Variants in MUC12 observed in about 807,000 individuals in gnomAD.
The protein encoded by MUC12 is mucin 12, cell surface associated, also known as mucin-12.
MUC12 carries 172 observed loss-of-function variants against 230.8 expected under a neutral mutation model. That is an observed-to-expected ratio of 0.75 (90% CI 0.66 to 0.85). MUC12 has a LOEUF of 0.85. MUC12 is among the 40% of genes least tolerant of loss of function. The pLI, the probability that MUC12 is intolerant of heterozygous loss-of-function variation, is 0.00. For missense variants in MUC12, 3,506 were observed against 5,920.6 expected, an observed-to-expected ratio of 0.59 and a Z score of 13.38; for synonymous variants, 1,259 against 2,401.9, an observed-to-expected ratio of 0.52 and a Z score of 13.91.
chr7:100,991,273 C>G lies in MUC12; in HGVS notation c.710C>G (p.Pro237Arg). 4 of 1,537,758 alleles carry G rather than the reference C, an allele frequency of 2.6e-6. No individual in the cohort carries two copies. The South Asian group carries it at 3.6e-5, about 14-fold the overall frequency. The change falls in exon 2 of 12, where the codon CCT (proline) becomes CGT (arginine). Residue 237 changes from proline to arginine, a missense_variant. Physicochemically the swap from Pro to Arg is moderately radical, Grantham distance 103. Coordinates refer to ENST00000536621, the MANE Select transcript of MUC12 (RefSeq NM_001164462.2). The part of the protein sequence containing the change: ...SPGYTKTTRL[P>R]DNTTTSGLLE... ...GGCTACACTAAAACAACACGCTTAC[C>G]TGACAACACCACAACCTCAGGCCTC...
At chr7:100,974,358 T>C (rs1415728042) in intron 1 of MUC12, among the ~76,000 whole-genome samples, 1 of 71,420 alleles carries the variant, frequency 1.4e-5, no homozygotes, top group Non-Finnish European at 3.3e-5. Flanking sequence ...AGCTCTTGGA[T>C]ACTGTTCTGC....
In MUC12 at chr7:100,980,748, C is replaced by T. The variant is rs1180490600; in HGVS notation, c.68-9883C>T. On this transcript the variant is annotated intron_variant, in intron 1 of 11. Transcript: ENST00000536621. ...GACTAGCCTGGGCAAGATAGTGAGACCCCATCTCTACAAAACGTAAAAAAT... is the reference window on the plus strand; with the variant it reads ...GACTAGCCTGGGCAAGATAGTGAGATCCCATCTCTACAAAACGTAAAAAAT... 2.0e-5 allele frequency among the ~76,000 whole-genome samples: 3 copies of T among 152,132 alleles called. No individual in the cohort carries two copies. The East Asian group carries it at 5.8e-4, about 29-fold the overall frequency.
rs910831182 is a variant in MUC12 at position 101,008,699 on chromosome 7, G to A, written c.15124G>A (p.Glu5042Lys). The change falls in exon 4 of 12, where the codon GAA becomes AAA. Residue 5042 changes from glutamate (E) to lysine (K), a missense_variant. By Grantham distance (56) the Glu-to-Lys change is moderately conservative. Transcript: ENST00000536621. ...GAAAGTGACTTACAGAAATTTCACAGAAAAGATGAATGACGCATCCTCCCA... is the reference window on the plus strand; with the variant it reads ...GAAAGTGACTTACAGAAATTTCACAAAAAAGATGAATGACGCATCCTCCCA... ...TVKVTYRNFT[E>K]KMNDASSQEY... 4.6e-6 allele frequency: 7 copies of A among 1,537,172 alleles called. No individual in the cohort carries two copies. The African/African-American group carries it at 8.2e-5, about 18-fold the overall frequency.
Position 101,004,485 on chromosome 7 carries a change from T to G in MUC12, c.13922T>G (p.Ile4641Arg), listed in dbSNP as rs1299793813. The change falls in exon 2 of 12, where the codon ATA becomes AGA. Residue 4641 changes from isoleucine (I) to arginine (R), a missense_variant. Coordinates refer to ENST00000536621, the MANE Select transcript of MUC12 (RefSeq NM_001164462.2). ...RTSHSSTTHT[I>R]SSPPSTTSAL... ...TCCCACAGCAGCACAACACACACAA[T>G]ATCTTCACCTCCTAGCACCACATCT... 2 of 1,528,160 alleles carry G rather than the reference T, an allele frequency of 1.3e-6. No homozygotes were observed. Among genetic ancestry groups the G allele is most frequent in the African/African-American group, 1.4e-5 (1 of 69,318 alleles). The allele number at this position is 1,528,160 out of a possible 1,614,324, so 94.7% of individuals were successfully genotyped here. A position where few individuals can be genotyped will look rare whatever the true frequency, so the allele number is the denominator to read the frequency against.
Position 100,990,913 on chromosome 7 carries a change from C to G in MUC12, c.350C>G (p.Ala117Gly), listed in dbSNP as rs779933341. The G allele has an allele frequency of 7.8e-6, 12 of 1,537,676 alleles. No homozygotes were observed. Among genetic ancestry groups the G allele is most frequent in the Non-Finnish European group, 9.6e-6 (11 of 1,147,020 alleles). ...GEPKTSPITS[A>G]SMETTALPGS... ...CCTAAAACCTCACCCATCACTTCAG[C>G]CTCAATGGAAACAACAGCGTTACCT... The change falls in exon 2 of 12, where the codon GCC becomes GGC. Residue 117 changes from alanine (A) to glycine (G), a missense_variant. Physicochemically the swap from Ala to Gly is moderately conservative, Grantham distance 60 (BLOSUM62 0). Coordinates refer to ENST00000536621, the MANE Select transcript of MUC12 (RefSeq NM_001164462.2).
chr7:100,972,172 T>G (rs5021605), intron 1 of MUC12: 1 of 702,040 alleles, frequency 1.4e-6, no homozygotes, highest in Non-Finnish European at 2.6e-6. Context: ...ATAATTCTCA[T>G]GAGGAGATCT....
chr7:100,991,785 G>C lies in MUC12; in HGVS notation c.1222G>C (p.Ala408Pro). 6.5e-7 allele frequency: 1 copy of C among 1,537,932 alleles called. No homozygotes were observed. Among genetic ancestry groups the C allele is most frequent in the Non-Finnish European group, 8.7e-7 (1 of 1,147,054 alleles). Residue 408 changes from alanine to proline, a missense_variant, in exon 2 of 12, where the codon GCA (alanine) becomes CCA (proline). Ala to Pro is a conservative substitution (Grantham distance 27). Coordinates refer to ENST00000536621, the MANE Select transcript of MUC12 (RefSeq NM_001164462.2). ...AACTCCTAGCACCACAGCTGCCCTA[G>C]CACATACAAGCTACCACAGCAGCCT... ...SSTPSTTAAL[A>P]HTSYHSSLGS...
intron 10 of MUC12, chr7:101,017,364 C>T: frequency 3.6e-6 from 2 of 550,224 alleles, no homozygotes; most frequent in East Asian, 6.1e-5. Flanking sequence ...GCTCCGCTCC[C>T]TCCTGTTCCG....
Position 100,969,637 on chromosome 7 carries a change from G to A in MUC12, c.15G>A (p.Trp5Ter). 6.5e-7 allele frequency: 1 copy of A among 1,537,432 alleles called. No individual in the cohort carries two copies. Among genetic ancestry groups the A allele is most frequent in the South Asian group, 1.2e-5 (1 of 84,068 alleles). The change falls in exon 1 of 12, where the codon TGG becomes TGA. Residue 5 changes from tryptophan (W) to a stop codon, truncating the protein, a stop_gained. Transcript: ENST00000536621. LOFTEE classifies it high-confidence loss of function. ...TTCCCCGGGAGATGCTGGTGATCTG[G>A]ATTCTGACGCTGGCTCTCCGGCTCT... MLVI[W>*]ILTLALRLCA... is the part of the protein sequence containing the mutation.
At chr7:100,987,232 A>G (rs1362039038) in intron 1 of MUC12, among the ~76,000 whole-genome samples, 1 of 151,732 alleles carries the variant, frequency 6.6e-6, no homozygotes, top group Non-Finnish European at 1.5e-5. Context: ...ATGCCTGGCT[A>G]ATTTTTGTAT....
intron 1 of MUC12, among the ~76,000 whole-genome samples, chr7:100,977,319 C>G (rs1413293177): frequency 6.6e-6 from 1 of 151,842 alleles, no homozygotes; most frequent in Non-Finnish European, 1.5e-5. Context: ...ATCATGAGTG[C>G]CACATTCCCT....
At chr7:101,008,153 T>G (rs1489322764) in intron 3 of MUC12, among the ~76,000 whole-genome samples, 1 of 151,598 alleles carries the variant, frequency 6.6e-6, no homozygotes, top group African/African-American at 2.4e-5. Context: ...TGAGATAGGG[T>G]CTCACTCTGT....
In MUC12 at chr7:100,995,456, A is replaced by G. The variant is rs1303380778; in HGVS notation, c.4893A>G (p.Glu1631=). ...GSTTASSLGP[E]STTFHSSPGS... Reference sequence around the variant, plus strand: ...CCACAGCATCATCCCTTGGTCCAGAATCTACTACTTTCCACAGCAGCCCAG... The same window carrying G: ...CCACAGCATCATCCCTTGGTCCAGAGTCTACTACTTTCCACAGCAGCCCAG... The change falls in exon 2 of 12, where the codon GAA becomes GAG. Residue 1631 remains glutamate (E), a synonymous_variant. Transcript: ENST00000536621. The G allele has an allele frequency of 1.4e-5, 21 of 1,528,192 alleles. No individual in the cohort carries two copies. The East Asian group carries it at 3.2e-4, about 23-fold the overall frequency. 94.7% of individuals were successfully genotyped at this position (1,528,192 alleles called of 1,614,324 possible).
In MUC12 at chr7:101,008,428, C is replaced by T. The variant is rs192233783; in HGVS notation, c.15059-206C>T. ...TCTTTCCATTAGCTCACCTGCCCCC[C>T]TCATCAAAGGGCTTCTGTACTTAGT... is the stretch of plus-strand genomic sequence containing the variant. On this transcript the variant is annotated intron_variant, in intron 3 of 11. Coordinates refer to ENST00000536621, the MANE Select transcript of MUC12 (RefSeq NM_001164462.2). 2.2e-3 allele frequency among the ~76,000 whole-genome samples: 342 copies of T among 152,308 alleles called. 1 individual carries two copies. Among genetic ancestry groups the T allele is most frequent in the African/African-American group, 7.8e-3 (324 of 41,574 alleles).
In MUC12 at chr7:101,015,628, G is replaced by A. The variant is rs1396230564; in HGVS notation, c.15814G>A (p.Val5272Met). 1 of 1,537,662 alleles carries A rather than the reference G, an allele frequency of 6.5e-7. No individual in the cohort carries two copies. The highest frequency in any genetic ancestry group is 8.7e-7 in the Non-Finnish European group (1 of 1,146,984). The change falls in exon 10 of 12, where the codon GTG (valine) becomes ATG (methionine). Residue 5272 changes from valine (V) to methionine (M), a missense_variant. Coordinates refer to ENST00000536621, the MANE Select transcript of MUC12 (RefSeq NM_001164462.2). ...TTCTGTCTGCAGGGAACAGTATGATGTGCCTCAAGAGTGGCGAAAGGAAGG... is the reference window on the plus strand; with the variant it reads ...TTCTGTCTGCAGGGAACAGTATGATATGCCTCAAGAGTGGCGAAAGGAAGG... ...QRKRHREQYD[V>M]PQEWRKEGTP...
At position 100,992,362 on chromosome 7, in the gene MUC12, G is replaced by C. The variant is rs1562783047; in HGVS notation, c.1799G>C (p.Gly600Ala). 1 of 1,536,606 alleles carries C rather than the reference G, an allele frequency of 6.5e-7. No individual in the cohort carries two copies. The highest frequency in any genetic ancestry group is 2.0e-5 in the Admixed American group (1 of 50,936). The part of the protein sequence containing the change: ...TLLPDNTTAS[G>A]LLEASMPVHS... ...TTACCTGACAACACCACAGCCTCAG[G>C]ACTCCTTGAAGCATCTATGCCCGTC... Residue 600 changes from glycine to alanine, a missense_variant, in exon 2 of 12, where the codon GGA becomes GCA. Gly to Ala is a moderately conservative substitution (Grantham distance 60). Coordinates refer to ENST00000536621, the MANE Select transcript of MUC12 (RefSeq NM_001164462.2).
chr7:100,971,412 G>A (rs945097328), intron 1 of MUC12, among the ~76,000 whole-genome samples: 2 of 152,226 alleles, frequency 1.3e-5, no homozygotes, highest in Non-Finnish European at 2.9e-5. Flanking sequence ...GTGGTGAGGG[G>A]GCAGGGGAGC....
At chr7:100,986,434 A>G (rs1793191960) in intron 1 of MUC12, among the ~76,000 whole-genome samples, 1 of 151,976 alleles carries the variant, frequency 6.6e-6, no homozygotes, top group African/African-American at 2.4e-5. Flanking sequence ...AAAAAAGAAA[A>G]AAAAAGCCAT....
In MUC12 at chr7:100,991,467, T is replaced by C. The variant is rs1319611161; in HGVS notation, c.904T>C (p.Ser302Pro). ...SGTTSAFVKL[S>P]TTYHSSPSST... ...TACCACATCAGCCTTTGTTAAACTA[T>C]CTACAACTTATCACAGCAGCCCGAG... Residue 302 changes from serine (S) to proline (P), a missense_variant, in exon 2 of 12, where the codon TCT (serine) becomes CCT (proline). Transcript: ENST00000536621. The C allele has an allele frequency of 6.5e-7, 1 of 1,537,626 alleles. No homozygotes were observed. The highest frequency in any genetic ancestry group is 1.4e-5 in the African/African-American group (1 of 72,984).
Sources: allele counts gnomAD v4.1 joint callset (sites outside exome capture counted in the v4.1 genomes callset), GRCh38; gene constraint gnomAD v4.1.1; transcripts MANE v1.5; gene names NCBI Gene and HGNC (gene_info 2026-07-23, HGNC 2026-07-21).